Variants in TAFA2 observed in about 807,000 individuals in gnomAD.
The protein encoded by TAFA2 is TAFA chemokine like family member 2.
In TAFA2, 7 loss-of-function variants were observed where a neutral mutation model predicts 18.8. That is an observed-to-expected ratio of 0.37 (90% CI 0.21 to 0.70). The LOEUF (loss-of-function observed/expected upper bound fraction) is 0.70, where lower values mean the gene tolerates loss of function less well. Among genes scored for constraint, TAFA2 ranks in the 30% least tolerant of loss-of-function variants. The pLI is 0.53. For synonymous variants in TAFA2, 60 were observed against 54.2 expected, an observed-to-expected ratio of 1.11 and a Z score of -0.47; for missense variants, 122 against 158.1, an observed-to-expected ratio of 0.77 and a Z score of 1.23.
chr12:62,238,758 A>G (rs2062849081), intron 1 of TAFA2, among the ~76,000 whole-genome samples: 2 of 152,220 alleles, frequency 1.3e-5, no homozygotes, highest in African/African-American at 4.8e-5. Flanking sequence ...TATTTGTTGA[A>G]CTAAACCTAA....
intron 4 of TAFA2, among the ~76,000 whole-genome samples, chr12:61,750,890 T>G (rs12815579): frequency 0.1 from 15,694 of 152,192 alleles, 1,048 homozygotes; most frequent in East Asian, 0.2. Flanking sequence ...TTTTGTAACC[T>G]ATTCCTACAT....
intron 2 of TAFA2, chr12:61,776,023 A>AT: frequency 2.7e-6 from 1 of 368,080 alleles, no homozygotes; most frequent in Non-Finnish European, 5.3e-6. Flanking sequence ...ATGCGAATCT[A>AT]TAAGAAAGGT....
chr12:62,181,161 C>A (rs538435140), intron 1 of TAFA2, among the ~76,000 whole-genome samples: 1 of 152,078 alleles, frequency 6.6e-6, no homozygotes, highest in Non-Finnish European at 1.5e-5. Context: ...CCCTGAGTCT[C>A]TCTCTCACAT....
At chr12:61,808,169 T>G (rs1159549318) in intron 2 of TAFA2, among the ~76,000 whole-genome samples, 1 of 151,544 alleles carries the variant, frequency 6.6e-6, no homozygotes, top group Non-Finnish European at 1.5e-5. Context: ...AATTGAATCA[T>G]GGAGGCAGGT....
intron 1 of TAFA2, among the ~76,000 whole-genome samples, chr12:62,077,235 G>A (rs1868255656): frequency 1.3e-5 from 2 of 152,300 alleles, no homozygotes; most frequent in Non-Finnish European, 1.5e-5. Flanking sequence ...TGACACTAGT[G>A]ATTTCAGAAG....
chr12:62,046,970 G>A (rs945394220), intron 1 of TAFA2, among the ~76,000 whole-genome samples: 15 of 151,734 alleles, frequency 9.9e-5, no homozygotes, highest in Non-Finnish European at 1.9e-4. Flanking sequence ...TATGTCATGG[G>A]GGTTGGTGAA....
intron 1 of TAFA2, among the ~76,000 whole-genome samples, chr12:62,044,433 G>A (rs1175334367): frequency 1.3e-5 from 2 of 152,064 alleles, no homozygotes; most frequent in African/African-American, 4.8e-5. Flanking sequence ...GGGAGCAAAG[G>A]GCAAGATTCT....
intron 1 of TAFA2, chr12:62,234,814 A>G (rs972081668): frequency 5.7e-5 from 58 of 1,015,898 alleles, no homozygotes; most frequent in Non-Finnish European, 5.4e-5. Flanking sequence ...CCTGCTTGGG[A>G]GTCTGGCTGA....
At chr12:61,724,481 C>T (rs535747063) in intron 4 of TAFA2, among the ~76,000 whole-genome samples, 44 of 151,968 alleles carry the variant, frequency 2.9e-4, no homozygotes, top group African/African-American at 1.1e-3. Context: ...TTTGTACACT[C>T]ATCCCCTGAA....
At chr12:61,725,045 T>C (rs2120619840) in intron 4 of TAFA2, among the ~76,000 whole-genome samples, 2 of 152,106 alleles carry the variant, frequency 1.3e-5, no homozygotes, top group South Asian at 4.2e-4. Flanking sequence ...TCCTGATAAT[T>C]AGTGAGGTTG....
chr12:62,032,913 C>T (rs1178775393), intron 1 of TAFA2, among the ~76,000 whole-genome samples: 1 of 152,146 alleles, frequency 6.6e-6, no homozygotes, highest in Non-Finnish European at 1.5e-5. Context: ...CAATGCTTCA[C>T]ATTTTTTCAT....
chr12:61,862,864 A>C (rs1277736539), intron 2 of TAFA2, among the ~76,000 whole-genome samples: 1 of 152,130 alleles, frequency 6.6e-6, no homozygotes, highest in Non-Finnish European at 1.5e-5. Flanking sequence ...TTCTTCCTTC[A>C]TATATTTTCC....
At chr12:61,828,432 A>G (rs2015256232) in intron 2 of TAFA2, among the ~76,000 whole-genome samples, 1 of 151,892 alleles carries the variant, frequency 6.6e-6, no homozygotes, top group Non-Finnish European at 1.5e-5. Flanking sequence ...TTGCCTCAAC[A>G]CATGGTCATA....
At chr12:61,779,966 C>G (rs758037490) in intron 2 of TAFA2, among the ~76,000 whole-genome samples, 1 of 151,660 alleles carries the variant, frequency 6.6e-6, no homozygotes, top group South Asian at 2.1e-4. Flanking sequence ...TGATTTTAGG[C>G]AAAACTTTCT....
chr12:62,023,823 A>G (rs1256746659), intron 1 of TAFA2: 1 of 152,144 alleles, frequency 6.6e-6, no homozygotes, highest in African/African-American at 2.4e-5. Context: ...AAAAAAACAC[A>G]AATCTCCCCC....
Position 61,822,588 on chromosome 12 carries a change from C to A in TAFA2, c.106+44732G>T, listed in dbSNP as rs995054928. 3.9e-5 allele frequency among the ~76,000 whole-genome samples: 6 copies of A among 152,160 alleles called. 1 individual carries two copies. In the South Asian group the frequency reaches 1.0e-3, roughly 26 times the overall value. On this transcript the variant is annotated intron_variant, in intron 2 of 4. Coordinates refer to ENST00000416284, the MANE Select transcript of TAFA2 (RefSeq NM_178539.5). ...TTCCTGGTGTTAAATGTCACTTCCT[C>A]TGAAGGTGTCCCCATCTCTTCAGAC...
intron 1 of TAFA2, among the ~76,000 whole-genome samples, chr12:62,101,358 C>T (rs1383318141): frequency 6.6e-6 from 1 of 152,168 alleles, no homozygotes; most frequent in Non-Finnish European, 1.5e-5. Context: ...TGATACATCT[C>T]TGATCCATAA....
chr12:61,881,851 G>A (rs530880363), intron 1 of TAFA2, among the ~76,000 whole-genome samples: 4 of 151,916 alleles, frequency 2.6e-5, no homozygotes, highest in Middle Eastern at 3.4e-3. Context: ...GCTTCAGTTC[G>A]AAGCCATCTT....
chr12:62,112,115 G>A (rs1050173242), intron 1 of TAFA2, among the ~76,000 whole-genome samples: 1 of 152,172 alleles, frequency 6.6e-6, no homozygotes, highest in Non-Finnish European at 1.5e-5. Flanking sequence ...TGTTTTTGCA[G>A]TGGCTGGTAC....
Sources: gnomAD v4.1 joint callset for allele counts (sites outside exome capture counted in the v4.1 genomes callset) on GRCh38, gnomAD v4.1.1 for gene constraint, MANE v1.5 for transcripts, NCBI Gene and HGNC (gene_info 2026-07-23, HGNC 2026-07-21) for gene names.